The following SPAG1 variants were observed in gnomAD, a reference collection of about 807,000 sequenced individuals.
SPAG1 encodes sperm associated antigen 1, also known as sperm-associated antigen 1.
SPAG1 carries 69 observed loss-of-function variants against 100.5 expected under a neutral mutation model. That is an observed-to-expected ratio of 0.69 (90% confidence interval 0.57 to 0.84). The LOEUF (loss-of-function observed/expected upper bound fraction) is 0.84, where lower values mean the gene tolerates loss of function less well. SPAG1 is among the 40% of genes least tolerant of loss of function. The pLI, the probability that SPAG1 is intolerant of heterozygous loss-of-function variation, is 0.00. For missense variants in SPAG1, 955 were observed against 1,133.1 expected (o/e 0.84, Z 2.26); for synonymous variants, 336 against 411.6 (o/e 0.82, Z 2.22).
chr8:100,202,354 CA>C (rs1172438957), intron 10 of SPAG1, among the ~76,000 whole-genome samples: 3 of 147,504 alleles, frequency 2.0e-5, no homozygotes, highest in African/African-American at 7.5e-5. Context: ...AAAAAAAAAA[CA>C]AAAAACAAAA....
intron 16 of SPAG1, among the ~76,000 whole-genome samples, chr8:100,236,827 AGG>A (rs900878405): frequency 8.5e-4 from 130 of 152,314 alleles, no homozygotes; most frequent in African/African-American, 3.0e-3. Context: ...CACCCAATAG[AGG>A]GTGCTGCAAG....
chr8:100,231,877 G>A (rs1818784577), intron 15 of SPAG1, among the ~76,000 whole-genome samples: 2 of 152,006 alleles, frequency 1.3e-5, no homozygotes, highest in Non-Finnish European at 2.9e-5. Context: ...CAGGAGAATG[G>A]CGTGAACCCG....
At chr8:100,159,734 A>G (rs906302020) in intron 1 of SPAG1, among the ~76,000 whole-genome samples, 3 of 152,178 alleles carry the variant, frequency 2.0e-5, no homozygotes, top group African/African-American at 7.2e-5. Flanking sequence ...TTTTTATTCT[A>G]TTCCATCTCA....
In SPAG1 at chr8:100,240,540, C is replaced by T. The variant is rs1586569957; in HGVS notation, c.2418C>T (p.Ala806=). 3 of 1,614,082 alleles carry T rather than the reference C, an allele frequency of 1.9e-6. No homozygotes were observed. Among genetic ancestry groups the T allele is most frequent in the Non-Finnish European group, 2.5e-6 (3 of 1,180,000 alleles). Residue 806 remains alanine (A), a synonymous_variant, in exon 18 of 19, where the codon GCC becomes GCT. Coordinates refer to ENST00000388798, the MANE Select transcript of SPAG1 (RefSeq NM_003114.5). ...EKLPIAKPNN[A]YEFGQIINAL... is the part of the protein sequence containing the mutation. ...TTCCGATAGCCAAGCCTAATAATGCCTATGAATTTGGTCAGATTATAAATG... is the reference window on the plus strand; with the variant it reads ...TTCCGATAGCCAAGCCTAATAATGCTTATGAATTTGGTCAGATTATAAATG...
At chr8:100,172,591 G>A (rs1307347819) in intron 3 of SPAG1, among the ~76,000 whole-genome samples, 1 of 151,808 alleles carries the variant, frequency 6.6e-6, no homozygotes, top group Non-Finnish European at 1.5e-5. Context: ...CTGTACTCCA[G>A]CCTGGGAGAC....
chr8:100,215,074 A>G (rs1266643771), intron 12 of SPAG1, among the ~76,000 whole-genome samples: 1 of 131,066 alleles, frequency 7.6e-6, no homozygotes, highest in Non-Finnish European at 1.6e-5. Flanking sequence ...ATTGTTAACT[A>G]TAGTCATCCT....
rs574907013 is a variant in SPAG1 at position 100,206,017 on chromosome 8, C to CAAAAAA, written c.1097-7040_1097-7035dup. Among the ~76,000 whole-genome samples the CAAAAAA allele has an allele frequency of 2.0e-3, 151 of 77,340 alleles. 5 individuals are homozygous for CAAAAAA. The highest frequency in any genetic ancestry group is 2.3e-3 in the Non-Finnish European group (91 of 39,390). The allele number at this position is 77,340 out of a possible 152,430, so 50.7% of individuals were successfully genotyped here. A position where few individuals can be genotyped will look rare whatever the true frequency, so the allele number is the denominator to read the frequency against. ...CTGGCGACAGAGTGAGACTCTGTCT[C>CAAAAAA]AAAAAAAAAAAAAAAAAAAAAAAAA... On this transcript the variant is annotated intron_variant, in intron 10 of 18. Coordinates refer to ENST00000388798, the MANE Select transcript of SPAG1 (RefSeq NM_003114.5).
At chr8:100,195,083 T>TA (rs1362401469) in intron 10 of SPAG1, among the ~76,000 whole-genome samples, 2 of 149,732 alleles carry the variant, frequency 1.3e-5, no homozygotes, top group Admixed American at 1.3e-4. Flanking sequence ...GAGAGTGGCT[T>TA]AAACCCGGGA....
At chr8:100,200,379 C>T (rs1817222705) in intron 10 of SPAG1, among the ~76,000 whole-genome samples, 1 of 152,228 alleles carries the variant, frequency 6.6e-6, no homozygotes, top group African/African-American at 2.4e-5. Context: ...CAAGTCTTTG[C>T]TATTGTGAAT....
intron 14 of SPAG1, among the ~76,000 whole-genome samples, chr8:100,230,224 G>C (rs1818705764): frequency 6.6e-6 from 1 of 152,218 alleles, no homozygotes; most frequent in Admixed American, 6.5e-5. Context: ...AATTTGGGGT[G>C]CCGGATAGAT....
Position 100,239,235 on chromosome 8 carries a change from T to C in SPAG1, c.2116-5T>C, listed in dbSNP as rs1468137448. ...AAGTTATTTTCTCTGTCTTCCTACT[T>C]ACAGAATTATCAGAAAAGCTTAATT... is the stretch of plus-strand genomic sequence containing the variant. On this transcript the variant is annotated splice_region_variant and splice_polypyrimidine_tract_variant and intron_variant, in intron 16 of 18. Transcript: ENST00000388798. This position sits in a 1 kb window ranked among gnomAD's most constrained non-coding sequence, Gnocchi z 5.0. 1.2e-5 allele frequency: 17 copies of C among 1,476,842 alleles called. No homozygotes were observed. The highest frequency in any genetic ancestry group is 1.5e-5 in the Non-Finnish European group (17 of 1,106,258). 91.5% of individuals were successfully genotyped at this position (1,476,842 alleles called of 1,614,324 possible).
At chr8:100,210,955 A>T (rs924846434) in intron 10 of SPAG1, among the ~76,000 whole-genome samples, 2 of 151,538 alleles carry the variant, frequency 1.3e-5, no homozygotes, top group African/African-American at 4.9e-5. Context: ...CAGCCTTTTG[A>T]GTAGCTGGGA....
At position 100,177,844 on chromosome 8, in the gene SPAG1, A is replaced by G. The variant is rs1816196162; in HGVS notation, c.329A>G (p.Glu110Gly). 1 of 1,555,004 alleles carries G rather than the reference A, an allele frequency of 6.4e-7. No homozygotes were observed. Among genetic ancestry groups the G allele is most frequent in the Non-Finnish European group, 8.9e-7 (1 of 1,127,074 alleles). The change falls in exon 4 of 19, where the codon GAA (glutamate) becomes GGA (glycine). Residue 110 changes from glutamate to glycine, a missense_variant. By Grantham distance (98) the Glu-to-Gly change is moderately conservative. Transcript: ENST00000388798. Reference protein sequence around the residue: ...KSWVSEIKKEEDKMHFHETET... With the variant: ...KSWVSEIKKEGDKMHFHETET... ...TGGGTATCAGAAATTAAAAAAGAAG[A>G]AGATAAAATGCACTTTCATGAAACT...
intron 14 of SPAG1, among the ~76,000 whole-genome samples, chr8:100,228,437 G>A (rs1047634018): frequency 6.6e-6 from 1 of 151,564 alleles, no homozygotes; most frequent in Non-Finnish European, 1.5e-5. Flanking sequence ...AATTGGCTGG[G>A]TGCGGTGGCT....
intron 14 of SPAG1, 36 bp downstream of exon 14, chr8:100,225,375 A>G: frequency 6.3e-7 from 1 of 1,598,882 alleles, no homozygotes; most frequent in South Asian, 1.1e-5. Context: ...TCTCAAGGTT[A>G]CCTTGAGTTG....
chr8:100,187,318 C>A, intron 8 of SPAG1, 68 bp downstream of exon 8: 2 of 1,252,762 alleles, frequency 1.6e-6, no homozygotes, highest in Non-Finnish European at 2.2e-6. Context: ...TTTGTAGATA[C>A]TTGTAATGTT....
At chr8:100,226,620 C>T (rs374343947) in intron 14 of SPAG1, among the ~76,000 whole-genome samples, 11 of 151,788 alleles carry the variant, frequency 7.2e-5, no homozygotes, top group East Asian at 1.9e-4. Flanking sequence ...GGGAGGATCC[C>T]GAGCCCAGGA....
chr8:100,210,596 C>T (rs1042335999), intron 10 of SPAG1, among the ~76,000 whole-genome samples: 1 of 152,172 alleles, frequency 6.6e-6, no homozygotes, highest in African/African-American at 2.4e-5. Context: ...TGTGCCTACA[C>T]TGTAGATTTT....
At chr8:100,210,969 C>T (rs192051447) in intron 10 of SPAG1, among the ~76,000 whole-genome samples, 70 of 152,106 alleles carry the variant, frequency 4.6e-4, no homozygotes, top group Non-Finnish European at 7.4e-5. Flanking sequence ...GCTGGGATTA[C>T]AGGCACCTGA....
Sources: gnomAD v4.1 joint callset for allele counts (sites outside exome capture counted in the v4.1 genomes callset) on GRCh38, gnomAD v4.1.1 for gene constraint, Gnocchi (gnomAD v3.1) non-coding constraint, MANE v1.5 for transcripts, NCBI Gene and HGNC (gene_info 2026-07-23, HGNC 2026-07-21) for gene names.